PEAK1: variants seen among roughly 807,000 people sequenced by gnomAD.
PEAK1 encodes the protein inactive tyrosine-protein kinase PEAK1.
Under a neutral mutation model 124.7 loss-of-function variants are expected in PEAK1, and 54 were observed. That is an observed-to-expected ratio of 0.43 (90% CI 0.35 to 0.54). PEAK1 has a LOEUF of 0.54. Among genes scored for constraint, PEAK1 ranks in the 20% least tolerant of loss-of-function variants. The pLI is 0.01. For synonymous variants in PEAK1, 719 were observed against 760.0 expected (o/e 0.95, Z 0.89); for missense variants, 2,046 against 2,134.5 (o/e 0.96, Z 0.82).
Position 77,108,893 on chromosome 15 carries a change from G to C in PEAK1, c.*5263C>G, listed in dbSNP as rs977760365. 7 of 152,200 alleles carry C rather than the reference G, an allele frequency of 4.6e-5. No individual in the cohort carries two copies. The highest frequency in any genetic ancestry group is 2.0e-4 in the Admixed American group (3 of 15,280). The allele number at this position is 152,200 out of a possible 1,614,324, so 9.4% of individuals were successfully genotyped here. ...AGAGACTTTCTGGAGTGGGAAACAT[G>C]TAATGGGATGTTGGGAATGCAGGCC... is the stretch of plus-strand genomic sequence containing the variant. On this transcript the variant is annotated 3_prime_UTR_variant, in exon 10 of 10. Transcript: ENST00000682557.
intron 9 of PEAK1, among the ~76,000 whole-genome samples, chr15:77,116,692 A>AAATC (rs757001985): frequency 2.6e-3 from 372 of 143,854 alleles, no homozygotes; most frequent in Middle Eastern, 7.1e-3. Context: ...AGTGCCATGG[A>AAATC]AATCAATCAA....
chr15:77,262,045 A>G (rs540938037), intron 5 of PEAK1, among the ~76,000 whole-genome samples: 1 of 152,314 alleles, frequency 6.6e-6, no homozygotes, highest in Non-Finnish European at 1.5e-5. Flanking sequence ...AATACTTTAC[A>G]GACAAGCAAA....
intron 2 of PEAK1, among the ~76,000 whole-genome samples, chr15:77,289,861 G>A (rs1279104866): frequency 6.6e-6 from 1 of 152,046 alleles, no homozygotes; most frequent in African/African-American, 2.4e-5. Context: ...AAACACCTAA[G>A]ATAATACACT....
At chr15:77,316,867 C>T (rs560874182) in intron 2 of PEAK1, among the ~76,000 whole-genome samples, 1 of 152,134 alleles carries the variant, frequency 6.6e-6, no homozygotes, top group African/African-American at 2.4e-5. Context: ...AACCTGAGGC[C>T]GAGAGTTTGA....
In PEAK1 at chr15:77,283,950, CCTT is replaced by C; in HGVS notation, c.-345_-343del. 2 of 982,712 alleles carry C rather than the reference CCTT, an allele frequency of 2.0e-6. No homozygotes were observed. Among genetic ancestry groups the C allele is most frequent in the Non-Finnish European group, 1.2e-6 (1 of 827,508 alleles). 60.9% of individuals were successfully genotyped at this position (982,712 alleles called of 1,614,324 possible). ...TTCATATTAGAAAATGTTTGTTTCT[CCTT>C]CTTGGATTTTTTCATAAATCATTGA... On this transcript the variant is annotated 5_prime_UTR_variant, in exon 5 of 10. Transcript: ENST00000682557.
In PEAK1 at chr15:77,244,658, G is replaced by A. The variant is rs528405977; in HGVS notation, c.-115+7709C>T. ...GGCTGGACTGCAGTGGCACAATCTC[G>A]GCTCGCTGCAGCCTCCACCTCCTGG... is the stretch of plus-strand genomic sequence containing the variant. On this transcript the variant is annotated intron_variant, in intron 6 of 9. Transcript: ENST00000682557. Among the ~76,000 whole-genome samples, 5 of 151,390 alleles carry A rather than the reference G, an allele frequency of 3.3e-5. No homozygotes were observed. In the South Asian group the frequency reaches 8.3e-4, roughly 25 times the overall value.
chr15:77,353,096 T>C lies in PEAK1; in HGVS notation c.-603+12067A>G, dbSNP rs567205090. 3.8e-5 allele frequency: 21 copies of C among 546,306 alleles called. No homozygotes were observed. The African/African-American group carries it at 4.1e-4, about 11-fold the overall frequency. The allele number at this position is 546,306 out of a possible 1,614,324, so 33.8% of individuals were successfully genotyped here. On this transcript the variant is annotated intron_variant, in intron 2 of 9. Coordinates refer to ENST00000682557, the MANE Select transcript of PEAK1 (RefSeq NM_001385026.1). The stretch of plus-strand genomic sequence containing the variant: ...TGCAAGCATGGAAGCAGCAAACACA[T>C]GCACTGCTTTTCAATATCAACCCCA...
At chr15:77,257,826 G>C (rs1182464524) in intron 5 of PEAK1, among the ~76,000 whole-genome samples, 1 of 151,764 alleles carries the variant, frequency 6.6e-6, no homozygotes, top group Non-Finnish European at 1.5e-5. Flanking sequence ...GAATGGTAAG[G>C]CCTAGGTTTT....
Position 77,321,530 on chromosome 15 carries a change from A to G in PEAK1, c.-602-35026T>C, listed in dbSNP as rs181374828. On this transcript the variant is annotated intron_variant, in intron 2 of 9. Coordinates refer to ENST00000682557, the MANE Select transcript of PEAK1 (RefSeq NM_001385026.1). ...ATGTTTTTTTCCTGTAAATTTGTTT[A>G]AGTTCATTGTAGATTCTGGATATTA... is the stretch of plus-strand genomic sequence containing the variant. 1.5e-3 allele frequency among the ~76,000 whole-genome samples: 224 copies of G among 152,218 alleles called. 1 individual carries two copies. The highest frequency in any genetic ancestry group is 5.2e-3 in the African/African-American group (216 of 41,528).
chr15:77,131,368 C>T (rs1244755847), intron 9 of PEAK1, among the ~76,000 whole-genome samples: 1 of 152,194 alleles, frequency 6.6e-6, no homozygotes, highest in Non-Finnish European at 1.5e-5. Flanking sequence ...TGGTGCACAC[C>T]TATAGTCCCA....
intron 8 of PEAK1, among the ~76,000 whole-genome samples, chr15:77,143,344 C>T (rs956420746): frequency 9.2e-5 from 14 of 152,164 alleles, no homozygotes; most frequent in African/African-American, 3.4e-4. Context: ...ACAACTGTGA[C>T]AGTCTCCTAT....
At chr15:77,256,822 C>CCCATTAACT (rs1487058741) in intron 5 of PEAK1, among the ~76,000 whole-genome samples, 1 of 151,924 alleles carries the variant, frequency 6.6e-6, no homozygotes, top group African/African-American at 2.4e-5. Context: ...GTGTGCTGCA[C>CCCATTAACT]CCATTAACTC....
intron 1 of PEAK1, among the ~76,000 whole-genome samples, chr15:77,394,797 A>G (rs892431185): frequency 2.2e-4 from 33 of 152,348 alleles, no homozygotes; most frequent in African/African-American, 6.5e-4. Context: ...AACAAACTGA[A>G]TAAGGCACAA....
intron 9 of PEAK1, among the ~76,000 whole-genome samples, chr15:77,119,975 T>A (rs1318204085): frequency 2.0e-5 from 3 of 152,200 alleles, no homozygotes; most frequent in Admixed American, 1.3e-4. Context: ...CTGGGACCTG[T>A]GAGAGGACAT....
chr15:77,381,842 C>G (rs924257783), intron 1 of PEAK1, among the ~76,000 whole-genome samples: 2 of 152,106 alleles, frequency 1.3e-5, no homozygotes, highest in African/African-American at 4.8e-5. Context: ...AGGGATAGGG[C>G]AAAAACAAGA....
intron 6 of PEAK1, among the ~76,000 whole-genome samples, chr15:77,242,096 G>A (rs1284444160): frequency 6.6e-6 from 1 of 151,888 alleles, no homozygotes; most frequent in African/African-American, 2.4e-5. Flanking sequence ...AGTATTTACA[G>A]TATGTTCCAT....
intron 6 of PEAK1, among the ~76,000 whole-genome samples, chr15:77,248,394 G>T (rs773116028): frequency 6.6e-6 from 1 of 152,168 alleles, no homozygotes; most frequent in African/African-American, 2.4e-5. Flanking sequence ...TCCGTATTCC[G>T]TTGAATGAAT....
At chr15:77,224,393 G>A (rs2059535539) in intron 6 of PEAK1, among the ~76,000 whole-genome samples, 1 of 151,970 alleles carries the variant, frequency 6.6e-6, no homozygotes, top group African/African-American at 2.4e-5. Context: ...CTAATACACT[G>A]TTCTTTTGTC....
intron 7 of PEAK1, among the ~76,000 whole-genome samples, chr15:77,176,223 G>A (rs1307944343): frequency 2.9e-5 from 4 of 138,450 alleles, no homozygotes; most frequent in East Asian, 4.1e-4. Context: ...TGCACATTGT[G>A]CACATGTACC....
Sources: gnomAD v4.1 joint callset for allele counts (sites outside exome capture counted in the v4.1 genomes callset) on GRCh38, gnomAD v4.1.1 for gene constraint, MANE v1.5 for transcripts, NCBI Gene and HGNC (gene_info 2026-07-23, HGNC 2026-07-21) for gene names.